The following LMTK2 variants were observed in gnomAD, a reference collection of about 807,000 sequenced individuals.
The protein encoded by LMTK2 is lemur tail kinase 2.
LMTK2 carries 37 observed loss-of-function variants against 127.5 expected under a neutral mutation model. The ratio of observed to expected loss-of-function variants is 0.29; its 90% CI spans 0.22 to 0.38. The LOEUF (loss-of-function observed/expected upper bound fraction) is 0.38. Among genes scored for constraint, LMTK2 ranks in the 10% least tolerant of loss-of-function variants. LMTK2 has a pLI of 1.00. For synonymous variants in LMTK2, 819 were observed against 810.1 expected (o/e 1.01, Z -0.19); for missense variants, 1,694 against 1,920.3 (o/e 0.88, Z 2.20).
chr7:98,178,632 C>T (rs1283435860), intron 7 of LMTK2, among the ~76,000 whole-genome samples: 2 of 152,206 alleles, frequency 1.3e-5, no homozygotes, highest in African/African-American at 4.8e-5. Context: ...ACAAAAGCAG[C>T]CATTGACGTC....
In LMTK2 at chr7:98,193,427, C is replaced by G; in HGVS notation, c.2962C>G (p.Pro988Ala). ...LLEDSLSAPF[P>A]ASEPSLETPD... ...GGAGGACAGCTTGTCAGCACCCTTC[C>G]CAGCCTCTGAGCCGTCCCTGGAAAC... Residue 988 changes from proline (P) to alanine (A), a missense_variant, in exon 11 of 14, where the codon CCA becomes GCA. By Grantham distance (27) the Pro-to-Ala change is conservative (BLOSUM62 -1). This residue lies in a region of LMTK2 where 527 missense variants were observed against 539.8 expected (regional missense o/e 0.98). Coordinates refer to ENST00000297293, the MANE Select transcript of LMTK2 (RefSeq NM_014916.4). This position sits in a 1 kb window ranked among gnomAD's most constrained non-coding sequence, Gnocchi z 4.1. 1 of 1,614,194 alleles carries G rather than the reference C, an allele frequency of 6.2e-7. No individual in the cohort carries two copies. The highest frequency in any genetic ancestry group is 8.5e-7 in the Non-Finnish European group (1 of 1,180,032).
Position 98,111,934 on chromosome 7 carries a change from T to A in LMTK2, c.103+4654T>A, listed in dbSNP as rs1360603098. On this transcript the variant is annotated intron_variant, in intron 1 of 13. Transcript: ENST00000297293. ...AGAACTATGCTGGAAATTTTTAGGATCATCTGGGTTAGTCTGCTTTTATGT... is the reference window on the plus strand; with the variant it reads ...AGAACTATGCTGGAAATTTTTAGGAACATCTGGGTTAGTCTGCTTTTATGT... Among the ~76,000 whole-genome samples the A allele has an allele frequency of 2.6e-5, 4 of 152,212 alleles. No homozygotes were observed. In the East Asian group the frequency reaches 7.7e-4, roughly 29 times the overall value.
chr7:98,202,308 A>G (rs1345897161), intron 11 of LMTK2, among the ~76,000 whole-genome samples: 2 of 152,078 alleles, frequency 1.3e-5, no homozygotes, highest in East Asian at 3.9e-4. Context: ...TTCCTTTGCT[A>G]AGATTTTCCC....
At position 98,192,904 on chromosome 7, in the gene LMTK2, G is replaced by T. The variant is rs1292384418; in HGVS notation, c.2439G>T (p.Val813=). Residue 813 remains valine, a synonymous_variant, in exon 11 of 14, where the codon GTG becomes GTT. Coordinates refer to ENST00000297293, the MANE Select transcript of LMTK2 (RefSeq NM_014916.4). ...CCTCATTGCAGTCTTCCCCGGAAGT[G>T]CAGGTACCTCCTACCTCCTTCGAAA... ...LSTSLQSSPE[V]QVPPTSFETE... 6.2e-7 allele frequency: 1 copy of T among 1,614,146 alleles called. No individual in the cohort carries two copies. The highest frequency in any genetic ancestry group is 8.5e-7 in the Non-Finnish European group (1 of 1,180,002).
chr7:98,152,479 C>T (rs1366948292), intron 4 of LMTK2, among the ~76,000 whole-genome samples: 1 of 152,210 alleles, frequency 6.6e-6, no homozygotes, highest in African/African-American at 2.4e-5. Flanking sequence ...AAACCTGTTA[C>T]GTAGCAGCCA....
chr7:98,149,549 G>T (rs544067656), intron 3 of LMTK2, among the ~76,000 whole-genome samples: 1 of 152,138 alleles, frequency 6.6e-6, no homozygotes, highest in Non-Finnish European at 1.5e-5. Flanking sequence ...AAATGGTGCC[G>T]GAACAACTGG....
chr7:98,188,724 T>A (rs1797476229), intron 9 of LMTK2, among the ~76,000 whole-genome samples: 1 of 152,210 alleles, frequency 6.6e-6, no homozygotes, highest in Admixed American at 6.5e-5. Flanking sequence ...TCTGGCTGTT[T>A]TTAGAATTTT....
At chr7:98,115,379 G>A (rs1476031130) in intron 1 of LMTK2, among the ~76,000 whole-genome samples, 2 of 151,762 alleles carry the variant, frequency 1.3e-5, no homozygotes, top group Non-Finnish European at 2.9e-5. Context: ...TCATGCCATT[G>A]CACACCAGCC....
chr7:98,163,314 A>C (rs1476503992), intron 6 of LMTK2, among the ~76,000 whole-genome samples: 1 of 152,182 alleles, frequency 6.6e-6, no homozygotes, highest in East Asian at 1.9e-4. Flanking sequence ...CCAGTAGAAA[A>C]AAATGGATAA....
chr7:98,174,634 A>G (rs1040781434), intron 7 of LMTK2, among the ~76,000 whole-genome samples: 9 of 152,194 alleles, frequency 5.9e-5, no homozygotes, highest in African/African-American at 2.2e-4. Flanking sequence ...GCAGTGACTC[A>G]TGGAGCTGGA....
At position 98,205,669 on chromosome 7, in the gene LMTK2, C is replaced by A; in HGVS notation, c.*177C>A. On this transcript the variant is annotated 3_prime_UTR_variant, in exon 14 of 14. Transcript: ENST00000297293. ...GCGTTCAAGGCGGGGCCCTCGGGAG[C>A]CCAGGTGCAGAGCGAGGCCGTGTCC... 1.4e-6 allele frequency: 1 copy of A among 695,184 alleles called. No individual in the cohort carries two copies. The highest frequency in any genetic ancestry group is 1.8e-5 in the South Asian group (1 of 57,064). The allele number at this position is 695,184 out of a possible 1,614,324, so 43.1% of individuals were successfully genotyped here.
chr7:98,114,137 AC>A (rs1796243890), intron 1 of LMTK2, among the ~76,000 whole-genome samples: 2 of 151,598 alleles, frequency 1.3e-5, no homozygotes, highest in Non-Finnish European at 2.9e-5. Context: ...TCCTCTGCCC[AC>A]CTGGGCCTTT....
intron 7 of LMTK2, among the ~76,000 whole-genome samples, chr7:98,181,635 C>A (rs570516113): frequency 6.6e-6 from 1 of 152,226 alleles, no homozygotes; most frequent in Non-Finnish European, 1.5e-5. Context: ...AATAAAACTT[C>A]ATATATATGG....
intron 6 of LMTK2, among the ~76,000 whole-genome samples, chr7:98,168,893 A>C (rs1797144995): frequency 6.6e-6 from 1 of 152,188 alleles, no homozygotes; most frequent in South Asian, 2.1e-4. Flanking sequence ...GTTTATTTTA[A>C]TTCAGAATAC....
At chr7:98,164,878 C>T (rs1797071026) in intron 6 of LMTK2, among the ~76,000 whole-genome samples, 1 of 152,230 alleles carries the variant, frequency 6.6e-6, no homozygotes, top group African/African-American at 2.4e-5. Context: ...GCTCCATCAC[C>T]TGGCCCCGGA....
chr7:98,132,737 G>A (rs950670294), intron 1 of LMTK2, among the ~76,000 whole-genome samples: 23 of 151,910 alleles, frequency 1.5e-4, no homozygotes, highest in Admixed American at 8.5e-4. Context: ...AATCCCTAAT[G>A]GATCTAAATA....
intron 7 of LMTK2, 129 bp from the exon 8 acceptor site, chr7:98,184,922 T>G: frequency 1.6e-6 from 1 of 611,926 alleles, no homozygotes; most frequent in Non-Finnish European, 3.0e-6. Flanking sequence ...TTTGAGAGGT[T>G]AATTCTTAAG....
chr7:98,201,272 C>T (rs1460028645), intron 11 of LMTK2, among the ~76,000 whole-genome samples: 1 of 152,172 alleles, frequency 6.6e-6, no homozygotes, highest in African/African-American at 2.4e-5. Flanking sequence ...CCTAGAAGTA[C>T]AAGTGGAGCG....
At position 98,194,074 on chromosome 7, in the gene LMTK2, T is replaced by G. The variant is rs773174165; in HGVS notation, c.3609T>G (p.Ser1203Arg). The G allele has an allele frequency of 3.7e-6, 6 of 1,613,784 alleles. No individual in the cohort carries two copies. The highest frequency in any genetic ancestry group is 5.1e-6 in the Non-Finnish European group (6 of 1,179,984). ...AAGACGAGGCCAGCAGTCCCTGGAG[T>G]GTGCTGAATGCAGAACTTAGCAGCG... ...PTEDEASSPWSVLNAELSSGD... is the reference protein window; with the variant it reads ...PTEDEASSPWRVLNAELSSGD... The change falls in exon 11 of 14, where the codon AGT becomes AGG. Residue 1203 changes from serine to arginine, a missense_variant. By Grantham distance (110) the Ser-to-Arg change is moderately radical (BLOSUM62 -1). Coordinates refer to ENST00000297293, the MANE Select transcript of LMTK2 (RefSeq NM_014916.4). This position sits in a 1 kb window ranked among gnomAD's most constrained non-coding sequence, Gnocchi z 5.4.
Sources: gnomAD v4.1 joint callset for allele counts (sites outside exome capture counted in the v4.1 genomes callset) on GRCh38, gnomAD v4.1.1 for gene constraint, gnomAD v4.1.1 regional missense constraint, Gnocchi (gnomAD v3.1) non-coding constraint, MANE v1.5 for transcripts, NCBI Gene and HGNC (gene_info 2026-07-23, HGNC 2026-07-21) for gene names.